DHX8: variants seen among roughly 807,000 people sequenced by gnomAD.
DHX8 encodes the protein DEAH-box helicase 8.
DHX8 carries 67 observed loss-of-function variants against 140.7 expected under a neutral mutation model. That is an observed-to-expected ratio of 0.48 (90% confidence interval 0.39 to 0.58). The LOEUF (loss-of-function observed/expected upper bound fraction) is 0.58. Ranked by LOEUF, DHX8 falls within the 20% of genes least tolerant of loss-of-function variation. The probability of loss-of-function intolerance (pLI) is 0.00; values close to 1 mark genes in which losing one functional copy is unlikely to be tolerated. For missense variants in DHX8, 887 were observed against 1,550.7 expected, an observed-to-expected ratio of 0.57 and a Z score of 7.19; for synonymous variants, 533 against 553.2, an observed-to-expected ratio of 0.96 and a Z score of 0.51.
chr17:43,484,037 C>T lies in DHX8; in HGVS notation c.-1C>T, dbSNP rs1967960675. The T allele has an allele frequency of 6.2e-7, 1 of 1,614,022 alleles. No individual in the cohort carries two copies. Among genetic ancestry groups the T allele is most frequent in the Non-Finnish European group, 8.5e-7 (1 of 1,179,904 alleles). On this transcript the variant is annotated 5_prime_UTR_variant, in exon 1 of 23. Coordinates refer to ENST00000262415, the MANE Select transcript of DHX8 (RefSeq NM_004941.3). The stretch of plus-strand genomic sequence containing the variant: ...AAGGAGGTTCTGGGCAAGCTATAGC[C>T]ATGGCTGTGGCTGTAGCCATGGCGG...
rs368133068 is a variant in DHX8 at position 43,506,244 on chromosome 17, A to C, written c.1729-759A>C. ...TGGTCTTGAACTCCTGGACTCAAGCAATCCTCCCTCCTTGGCCTCCCAAAG... is the reference window on the plus strand; with the variant it reads ...TGGTCTTGAACTCCTGGACTCAAGCCATCCTCCCTCCTTGGCCTCCCAAAG... On this transcript the variant is annotated intron_variant, in intron 12 of 22. Coordinates refer to ENST00000262415, the MANE Select transcript of DHX8 (RefSeq NM_004941.3). Among the ~76,000 whole-genome samples the C allele has an allele frequency of 3.2e-3, 483 of 151,496 alleles. 4 individuals carry two copies. The highest frequency in any genetic ancestry group is 0.011 in the African/African-American group (456 of 41,354).
chr17:43,492,294 T>A lies in DHX8; in HGVS notation c.503+2T>A. On this transcript the variant is annotated splice_donor_variant, in intron 5 of 22. Transcript: ENST00000262415. LOFTEE classifies it high-confidence loss of function. ...GAAGCAAAGAGATGCTGAACACCGGTTTGTCCTTAGTGTCCTGTCCTTTGG... is the reference window on the plus strand; with the variant it reads ...GAAGCAAAGAGATGCTGAACACCGGATTGTCCTTAGTGTCCTGTCCTTTGG... The A allele has an allele frequency of 1.2e-6, 2 of 1,612,046 alleles. No individual in the cohort carries two copies. Among genetic ancestry groups the A allele is most frequent in the South Asian group, 2.2e-5 (2 of 90,934 alleles).
chr17:43,490,541 C>T (rs754226225), intron 3 of DHX8, 78 bp downstream of exon 3: 2 of 1,231,070 alleles, frequency 1.6e-6, no homozygotes, highest in African/African-American at 1.5e-5. Context: ...ATTTGTTTTC[C>T]TCTCAGCAGT....
chr17:43,529,397 G>C, downstream of DHX8: 1 of 1,448,602 alleles, frequency 6.9e-7, no homozygotes, highest in South Asian at 1.3e-5. Flanking sequence ...ATTCAGGTTA[G>C]GTAAAGCAAG....
chr17:43,525,306 C>T lies in DHX8; in HGVS notation c.*1459C>T, dbSNP rs983113986. On this transcript the variant is annotated 3_prime_UTR_variant, in exon 23 of 23. Coordinates refer to ENST00000262415, the MANE Select transcript of DHX8 (RefSeq NM_004941.3). ...AACTACTGTAGAACTGTATGCCAGA[C>T]ACTAAGAGAGACTATGTAACATTCC... 4 of 985,200 alleles carry T rather than the reference C, an allele frequency of 4.1e-6. No homozygotes were observed. In the South Asian group the frequency reaches 1.9e-4, roughly 46 times the overall value. The allele number at this position is 985,200 out of a possible 1,614,324, so 61.0% of individuals were successfully genotyped here.
At chr17:43,495,223 C>CA (rs1432497261) in intron 8 of DHX8, among the ~76,000 whole-genome samples, 2 of 152,192 alleles carry the variant, frequency 1.3e-5, no homozygotes, top group Admixed American at 1.3e-4. Flanking sequence ...TTAAGGAACT[C>CA]AAAGTCCAGC....
chr17:43,527,121 C>T (rs1462070570), downstream of DHX8, among the ~76,000 whole-genome samples: 2 of 152,190 alleles, frequency 1.3e-5, no homozygotes, highest in Admixed American at 6.5e-5. Flanking sequence ...GTCATACGTC[C>T]TCCATAGGTG....
chr17:43,525,569 C>G lies in DHX8; in HGVS notation c.*1722C>G. On this transcript the variant is annotated 3_prime_UTR_variant, in exon 23 of 23. Transcript: ENST00000262415. The stretch of plus-strand genomic sequence containing the variant: ...ACCTTGAAGGCCTTCTGGGGAGAGA[C>G]AGTACAGGGACCTCAAATGAAACCA... The G allele has an allele frequency of 1.0e-6, 1 of 985,448 alleles. No individual in the cohort carries two copies. 61.0% of individuals were successfully genotyped at this position (985,448 alleles called of 1,614,324 possible). A position where few individuals can be genotyped will look rare whatever the true frequency, so the allele number is the denominator to read the frequency against.
At chr17:43,508,221 G>C in intron 15 of DHX8, 118 bp from the exon 16 acceptor site, 1 of 1,367,560 alleles carries the variant, frequency 7.3e-7, no homozygotes, top group South Asian at 1.4e-5. Context: ...TTTACTTACT[G>C]GTCAGAATAT....
chr17:43,533,430 G>A (rs1971069496), intron 2 of DHX8: 3 of 1,358,452 alleles, frequency 2.2e-6, no homozygotes, highest in Non-Finnish European at 2.0e-6. Context: ...GGAAAGCGAG[G>A]TCACAGGGAT....
intron 3 of DHX8, among the ~76,000 whole-genome samples, chr17:43,538,284 C>T (rs1162534725): frequency 1.3e-5 from 2 of 151,836 alleles, no homozygotes; most frequent in South Asian, 2.1e-4. Flanking sequence ...TCCAGCCTGG[C>T]GACAGAGCAA....
intron 1 of DHX8, among the ~76,000 whole-genome samples, chr17:43,488,007 C>T (rs539003767): frequency 3.5e-4 from 53 of 151,538 alleles, no homozygotes; most frequent in African/African-American, 1.2e-3. Context: ...AGTCCAGGTG[C>T]GGTGGCTCAT....
chr17:43,507,796 T>C lies in DHX8; in HGVS notation c.2110-13T>C. On this transcript the variant is annotated splice_polypyrimidine_tract_variant and intron_variant, in intron 14 of 22. Transcript: ENST00000262415. ...TAGTCCTTTTCAGTAAGCCACATAA[T>C]ATTTCTCTTCAGACAGTTCAGAAAC... 6.2e-7 allele frequency: 1 copy of C among 1,614,170 alleles called. No individual in the cohort carries two copies. The highest frequency in any genetic ancestry group is 1.3e-5 in the African/African-American group (1 of 75,052).
downstream of DHX8, chr17:43,526,428 A>C (rs1021787088): frequency 5.2e-6 from 8 of 1,530,744 alleles, no homozygotes; most frequent in Non-Finnish European, 7.0e-6. Flanking sequence ...CAGCTGGGTC[A>C]GGCTCCTCGG....
At chr17:43,514,689 A>G (rs1970019338) in intron 17 of DHX8, among the ~76,000 whole-genome samples, 1 of 152,198 alleles carries the variant, frequency 6.6e-6, no homozygotes, top group South Asian at 2.1e-4. Flanking sequence ...GATTAAATAC[A>G]TGTCCAAAGG....
chr17:43,536,602 G>GC, intron 3 of DHX8: 1 of 749,378 alleles, frequency 1.3e-6, no homozygotes, highest in Non-Finnish European at 2.3e-6. Context: ...TAGATCAGGG[G>GC]TGTCCACATT....
intron 14 of DHX8, 23 bp downstream of exon 14, chr17:43,507,711 C>T (rs574533151): frequency 1.9e-5 from 30 of 1,612,844 alleles, no homozygotes; most frequent in Middle Eastern, 3.3e-4. Flanking sequence ...TCTTTAATGA[C>T]CCCTCTACCT....
At chr17:43,529,351 A>G, downstream of DHX8, 1 of 1,394,166 alleles carries the variant, frequency 7.2e-7, no homozygotes, top group South Asian at 1.2e-5. Flanking sequence ...TAGCTCTGCA[A>G]CAAAGCATCA....
At chr17:43,490,896 A>G (rs148771745) in intron 3 of DHX8, among the ~76,000 whole-genome samples, 1 of 152,258 alleles carries the variant, frequency 6.6e-6, no homozygotes, top group African/African-American at 2.4e-5. Flanking sequence ...AAAAATTTCA[A>G]ACGACTTAAG....
Sources: allele counts gnomAD v4.1 joint callset (sites outside exome capture counted in the v4.1 genomes callset), GRCh38; gene constraint gnomAD v4.1.1; transcripts MANE v1.5; gene names NCBI Gene and HGNC (gene_info 2026-07-23, HGNC 2026-07-21).